FGF14: variants seen among roughly 807,000 people sequenced by gnomAD.
FGF14 encodes the protein fibroblast growth factor 14, also known as fibroblast growth factor homologous factor 4.
Under a neutral mutation model 25.5 loss-of-function variants are expected in FGF14, and 5 were observed. That is an observed-to-expected ratio of 0.20 (90% CI 0.10 to 0.41). The LOEUF (loss-of-function observed/expected upper bound fraction) is 0.41. Among genes scored for constraint, FGF14 ranks in the 10% least tolerant of loss-of-function variants. FGF14 has a pLI of 1.00. For missense variants in FGF14, 222 were observed against 320.1 expected, an observed-to-expected ratio of 0.69 and a Z score of 2.34; for synonymous variants, 138 against 118.3, an observed-to-expected ratio of 1.17 and a Z score of -1.08.
At chr13:102,301,801 C>T (rs1462089004) in intron 1 of FGF14, among the ~76,000 whole-genome samples, 6 of 146,610 alleles carry the variant, frequency 4.1e-5, no homozygotes, top group African/African-American at 1.3e-4. Flanking sequence ...TCTATACCTC[C>T]TTTCTTCTCA....
chr13:102,005,922 G>A (rs2039758454), intron 1 of FGF14, among the ~76,000 whole-genome samples: 1 of 152,170 alleles, frequency 6.6e-6, no homozygotes, highest in South Asian at 2.1e-4. Flanking sequence ...ATGAGAGCTT[G>A]TTCCCAAGCT....
At chr13:102,078,340 C>G (rs938916964) in intron 1 of FGF14, among the ~76,000 whole-genome samples, 3 of 152,128 alleles carry the variant, frequency 2.0e-5, no homozygotes, top group Non-Finnish European at 4.4e-5. Context: ...CTTGATTTAA[C>G]CATTCCACAA....
intron 1 of FGF14, among the ~76,000 whole-genome samples, chr13:102,151,126 A>G (rs2047064628): frequency 6.6e-6 from 1 of 152,186 alleles, no homozygotes; most frequent in South Asian, 2.1e-4. Context: ...ATGCTATTGG[A>G]AAACTTCATT....
At chr13:102,401,769 G>T in exon 1 of FGF14, 1 of 1,106,306 alleles carries the variant, frequency 9.0e-7, no homozygotes, top group Middle Eastern at 2.5e-4. Context: ...GTTTGTTTTC[G>T]GCCAGGGTGA....
intron 1 of FGF14, among the ~76,000 whole-genome samples, chr13:101,963,275 AT>A (rs1159921309): frequency 4.6e-5 from 7 of 152,022 alleles, no homozygotes; most frequent in African/African-American, 1.7e-4. Context: ...TAATTCCCCC[AT>A]TTTATTTATC....
At chr13:102,401,996 GGATTC>G (rs1332360914), upstream of FGF14, 1 of 397,910 alleles carries the variant, frequency 2.5e-6, no homozygotes, top group Non-Finnish European at 4.6e-6. Flanking sequence ...AGGCAAAGCA[GGATTC>G]ATCTTACTGA....
At chr13:102,299,692 T>C (rs2054925916) in intron 1 of FGF14, 1 of 152,196 alleles carries the variant, frequency 6.6e-6, no homozygotes, top group Non-Finnish European at 1.5e-5. Context: ...GGTCTCAGGA[T>C]AGCATAGGCT....
chr13:102,258,740 G>C (rs761903250), intron 1 of FGF14, among the ~76,000 whole-genome samples: 6 of 152,168 alleles, frequency 3.9e-5, no homozygotes, highest in Admixed American at 2.6e-4. Context: ...TGAGCTTTGT[G>C]AGAGATGTGC....
At chr13:101,788,949 C>CAGAG (rs60324795) in intron 3 of FGF14, among the ~76,000 whole-genome samples, 1 of 74,992 alleles carries the variant, frequency 1.3e-5, no homozygotes, top group Non-Finnish European at 2.7e-5. Flanking sequence ...GAGAGAGAGA[C>CAGAG]AGAGAGAGAG....
chr13:101,960,414 T>C (rs1402812666), intron 1 of FGF14, among the ~76,000 whole-genome samples: 1 of 152,198 alleles, frequency 6.6e-6, no homozygotes, highest in Non-Finnish European at 1.5e-5. Flanking sequence ...TGTGTCCACA[T>C]GTTCTCATTG....
At chr13:102,048,152 T>C (rs1343765096) in intron 1 of FGF14, among the ~76,000 whole-genome samples, 3 of 152,170 alleles carry the variant, frequency 2.0e-5, no homozygotes, top group Non-Finnish European at 2.9e-5. Flanking sequence ...TTTGGCTGAA[T>C]GGCCCAGTTC....
chr13:102,096,757 A>G (rs960159629), intron 1 of FGF14, among the ~76,000 whole-genome samples: 3 of 149,100 alleles, frequency 2.0e-5, no homozygotes, highest in African/African-American at 7.3e-5. Flanking sequence ...CTGAGAGGAG[A>G]GTAGGCACAA....
chr13:102,007,477 T>C (rs1304914405), intron 1 of FGF14, among the ~76,000 whole-genome samples: 2 of 152,122 alleles, frequency 1.3e-5, no homozygotes, highest in African/African-American at 2.4e-5. Flanking sequence ...GGGCAGAGTA[T>C]AGAACAATGA....
At chr13:102,322,287 A>G (rs1462622664) in intron 1 of FGF14, among the ~76,000 whole-genome samples, 1 of 152,176 alleles carries the variant, frequency 6.6e-6, no homozygotes, top group Admixed American at 6.5e-5. Flanking sequence ...TACTACTAAG[A>G]CTGAGGCTTC....
chr13:102,006,880 G>A (rs1200746714), intron 1 of FGF14, among the ~76,000 whole-genome samples: 9 of 150,604 alleles, frequency 6.0e-5, no homozygotes, highest in Middle Eastern at 3.2e-3. Flanking sequence ...GAGTAGCTGG[G>A]ACTACAGGCG....
intron 1 of FGF14, among the ~76,000 whole-genome samples, chr13:102,133,273 C>G (rs1306615712): frequency 6.6e-6 from 1 of 152,094 alleles, no homozygotes; most frequent in African/African-American, 2.4e-5. Flanking sequence ...TTAGAATAAT[C>G]TGATCAGGTT....
At chr13:101,723,506 A>G (rs922303071) in intron 4 of FGF14, among the ~76,000 whole-genome samples, 2 of 152,110 alleles carry the variant, frequency 1.3e-5, no homozygotes, top group East Asian at 1.9e-4. Context: ...ACACAAAATA[A>G]TAACAAATAA....
chr13:101,973,119 CT>C (rs35290815), intron 1 of FGF14, among the ~76,000 whole-genome samples: 54,125 of 127,320 alleles, frequency 0.43, 9,555 homozygotes, highest in East Asian at 0.68. Flanking sequence ...AAGTGTGCTT[CT>C]TTTTTTTTTT....
intron 3 of FGF14, among the ~76,000 whole-genome samples, chr13:101,809,669 G>T (rs571183137): frequency 6.6e-6 from 1 of 152,160 alleles, no homozygotes; most frequent in South Asian, 2.1e-4. Context: ...ACTGATTAAA[G>T]GATTATAATA....
Sources: gnomAD v4.1 joint callset for allele counts (sites outside exome capture counted in the v4.1 genomes callset) on GRCh38, gnomAD v4.1.1 for gene constraint, MANE v1.5 for transcripts, NCBI Gene and HGNC (gene_info 2026-07-23, HGNC 2026-07-21) for gene names.